The following USP40 variants were observed in gnomAD, a reference collection of about 807,000 sequenced individuals.
USP40 encodes ubiquitin carboxyl-terminal hydrolase 40.
Under a neutral mutation model 166.2 loss-of-function variants are expected in USP40, and 143 were observed. The ratio of observed to expected loss-of-function variants is 0.86; its 90% CI spans 0.75 to 0.99. The LOEUF (loss-of-function observed/expected upper bound fraction) is 0.99. Ranked by LOEUF, USP40 falls within the 50% of genes least tolerant of loss-of-function variation. The probability of loss-of-function intolerance (pLI) is 0.00; values close to 1 mark genes in which losing one functional copy is unlikely to be tolerated. For missense variants in USP40, 1,444 were observed against 1,479.7 expected (o/e 0.98, Z 0.40); for synonymous variants, 498 against 524.0 (o/e 0.95, Z 0.68).
chr2:233,478,991 A>G (rs1408755427), intron 31 of USP40, among the ~76,000 whole-genome samples: 3 of 152,212 alleles, frequency 2.0e-5, no homozygotes, highest in African/African-American at 7.2e-5. Context: ...ACTCCAAAAA[A>G]AAATGAAAAA....
At position 233,479,287 on chromosome 2, in the gene USP40, A is replaced by G. The variant is rs184698180; in HGVS notation, c.3600-1784T>C. ...CACATTTAAATGTGGAAACAGAGCC[A>G]GGCGCGGTGGCTCACGCCTGTAATC... On this transcript the variant is annotated intron_variant, in intron 31 of 31. Coordinates refer to ENST00000678225, the MANE Select transcript of USP40 (RefSeq NM_001365479.2). Among the ~76,000 whole-genome samples, 278 of 152,334 alleles carry G rather than the reference A, an allele frequency of 1.8e-3. 1 individual carries two copies. The highest frequency in any genetic ancestry group is 3.2e-3 in the Non-Finnish European group (221 of 68,022).
intron 11 of USP40, among the ~76,000 whole-genome samples, chr2:233,529,763 T>C (rs1662935546): frequency 1.3e-5 from 2 of 151,924 alleles, no homozygotes; most frequent in African/African-American, 4.8e-5. Flanking sequence ...TTAAGTATAC[T>C]TTTTAAAAAG....
Position 233,498,625 on chromosome 2 carries a change from C to A in USP40, c.2651-13G>T. 6.2e-7 allele frequency: 1 copy of A among 1,610,066 alleles called. No individual in the cohort carries two copies. Among genetic ancestry groups the A allele is most frequent in the South Asian group, 1.1e-5 (1 of 90,180 alleles). ...TGCCAGGCATCTCCTATAAAGGAGT[C>A]AAAATTGGGATAAAAAAAATTCAAA... On this transcript the variant is annotated splice_polypyrimidine_tract_variant and intron_variant, in intron 22 of 31. Transcript: ENST00000678225.
intron 10 of USP40, among the ~76,000 whole-genome samples, chr2:233,538,758 T>C (rs753957797): frequency 6.6e-6 from 1 of 152,198 alleles, no homozygotes; most frequent in Non-Finnish European, 1.5e-5. Flanking sequence ...GGCTCATGCC[T>C]ATAATCCCAG....
In USP40 at chr2:233,476,630, T is replaced by C. The variant is rs2242097; in HGVS notation, c.*762A>G. The stretch of plus-strand genomic sequence containing the variant: ...CACACAGGAAGAGAGGCTGAGGCGC[T>C]GTGGACGGCAGCAGCTGCAGTCCTC... On this transcript the variant is annotated 3_prime_UTR_variant, in exon 32 of 32. Coordinates refer to ENST00000678225, the MANE Select transcript of USP40 (RefSeq NM_001365479.2). 0.056 allele frequency: 8,546 copies of C among 152,666 alleles called. 531 individuals are homozygous for C. The highest frequency in any genetic ancestry group is 0.17 in the East Asian group (919 of 5,254). The allele number at this position is 152,666 out of a possible 1,614,324, so 9.5% of individuals were successfully genotyped here.
chr2:233,499,052 G>A (rs1253949295), intron 22 of USP40, among the ~76,000 whole-genome samples: 1 of 152,080 alleles, frequency 6.6e-6, no homozygotes, highest in Non-Finnish European at 1.5e-5. Flanking sequence ...CTGTTACACA[G>A]GTAAACGTGT....
chr2:233,489,670 G>A (rs1021282433), intron 26 of USP40, 187 bp from the exon 27 acceptor site: 3 of 566,800 alleles, frequency 5.3e-6, no homozygotes, highest in Non-Finnish European at 9.3e-6. Flanking sequence ...ACCCTGAGCG[G>A]TCTTCATATT....
chr2:233,566,123 G>A (rs1438497492), intron 1 of USP40, among the ~76,000 whole-genome samples: 2 of 145,998 alleles, frequency 1.4e-5, no homozygotes, highest in Admixed American at 6.8e-5. Context: ...GTACAGTCCC[G>A]AAGCTGTTGG....
chr2:233,477,571 G>T, intron 31 of USP40, 68 bp from the exon 32 acceptor site: 1 of 1,358,828 alleles, frequency 7.4e-7, no homozygotes, highest in Non-Finnish European at 1.0e-6. Context: ...GGTTCACGAA[G>T]ACCCCAAAAT....
intron 8 of USP40, among the ~76,000 whole-genome samples, chr2:233,544,638 A>C (rs73996117): frequency 6.6e-6 from 1 of 152,344 alleles, no homozygotes; most frequent in African/African-American, 2.4e-5. Flanking sequence ...TCACTCAGGA[A>C]GTTCCAAGGA....
chr2:233,495,920 T>C (rs896270337), intron 24 of USP40, among the ~76,000 whole-genome samples: 2 of 152,202 alleles, frequency 1.3e-5, no homozygotes, highest in African/African-American at 2.4e-5. Context: ...CTCCGCAAGA[T>C]ACAGTAAGTG....
chr2:233,503,442 G>C (rs1348176541), intron 21 of USP40, among the ~76,000 whole-genome samples: 2 of 152,084 alleles, frequency 1.3e-5, no homozygotes, highest in Non-Finnish European at 2.9e-5. Context: ...TCCCCAATTA[G>C]ATTCAACACA....
chr2:233,479,401 A>G (rs138291552), intron 31 of USP40, among the ~76,000 whole-genome samples: 4,647 of 152,188 alleles, frequency 0.031, 117 homozygotes, highest in Non-Finnish European at 0.04. Context: ...CGTCTCTACT[A>G]AAAATACAAA....
In USP40 at chr2:233,476,834, C is replaced by G. The variant is rs2064203243; in HGVS notation, c.*558G>C. ...TCAGCATCGCAGTTTTAACTCAGAC[C>G]AAAGGGCAGACGTGGAGCATGCGGG... On this transcript the variant is annotated 3_prime_UTR_variant, in exon 32 of 32. Transcript: ENST00000678225. 5.8e-6 allele frequency: 1 copy of G among 173,778 alleles called. No homozygotes were observed. Among genetic ancestry groups the G allele is most frequent in the Non-Finnish European group, 1.2e-5 (1 of 80,254 alleles). 10.8% of individuals were successfully genotyped at this position (173,778 alleles called of 1,614,324 possible).
chr2:233,535,643 T>A (rs1016623444), intron 10 of USP40, among the ~76,000 whole-genome samples: 4 of 152,142 alleles, frequency 2.6e-5, no homozygotes, highest in Non-Finnish European at 5.9e-5. Context: ...CAAAGGTAAT[T>A]TGAGGGCTTG....
At chr2:233,491,499 T>C (rs908158854) in intron 25 of USP40, among the ~76,000 whole-genome samples, 1 of 152,212 alleles carries the variant, frequency 6.6e-6, no homozygotes, top group African/African-American at 2.4e-5. Flanking sequence ...CTTTTCCACA[T>C]TCTCTCCTTC....
intron 10 of USP40, among the ~76,000 whole-genome samples, chr2:233,539,169 T>C (rs1414145234): frequency 6.7e-6 from 1 of 149,612 alleles, no homozygotes; most frequent in African/African-American, 2.5e-5. Context: ...TCCACAATTA[T>C]AGTTGGGAGA....
At chr2:233,527,745 A>T (rs749134598) in intron 12 of USP40, among the ~76,000 whole-genome samples, 167 bp from the exon 13 acceptor site, 4 of 152,224 alleles carry the variant, frequency 2.6e-5, no homozygotes, top group Non-Finnish European at 5.9e-5. Flanking sequence ...AGTCAATAGC[A>T]AAAATTCAGT....
Position 233,511,801 on chromosome 2 carries a change from A to T in USP40, c.2438-4T>A, listed in dbSNP as rs758194653. 5 of 1,597,088 alleles carry T rather than the reference A, an allele frequency of 3.1e-6. No individual in the cohort carries two copies. The highest frequency in any genetic ancestry group is 1.1e-5 in the South Asian group (1 of 87,552). ...TTCAAAGTATAGCTGTCCGGCACTT[A>T]AAAAAATTTTGATAATATGATGAAG... On this transcript the variant is annotated splice_polypyrimidine_tract_variant and splice_region_variant and intron_variant, in intron 19 of 31. Coordinates refer to ENST00000678225, the MANE Select transcript of USP40 (RefSeq NM_001365479.2).
Sources: gnomAD v4.1 joint callset for allele counts (sites outside exome capture counted in the v4.1 genomes callset) on GRCh38, gnomAD v4.1.1 for gene constraint, MANE v1.5 for transcripts, NCBI Gene and HGNC (gene_info 2026-07-23, HGNC 2026-07-21) for gene names.